FRMD4A: variants seen among roughly 807,000 people sequenced by gnomAD.
The protein encoded by FRMD4A is FERM domain containing 4A.
FRMD4A carries 29 observed loss-of-function variants against 129.1 expected under a neutral mutation model. The observed-to-expected ratio is 0.22, with a 90% CI of 0.17 to 0.31. The LOEUF (loss-of-function observed/expected upper bound fraction) is 0.31, where lower values mean the gene tolerates loss of function less well. Ranked by LOEUF, FRMD4A falls within the 10% of genes least tolerant of loss-of-function variation. FRMD4A has a pLI of 1.00. For synonymous variants in FRMD4A, 634 were observed against 571.6 expected (o/e 1.11, Z -1.56); for missense variants, 1,272 against 1,375.8 (o/e 0.92, Z 1.19).
At chr10:14,279,206 T>TTTTTTTTTA (rs1491404887) in intron 2 of FRMD4A, among the ~76,000 whole-genome samples, 2 of 109,868 alleles carry the variant, frequency 1.8e-5, no homozygotes, top group African/African-American at 6.8e-5. Context: ...TTTTTTTTTT[T>TTTTTTTTTA]GAGACAGAGT....
In FRMD4A at chr10:13,657,466, C is replaced by G; in HGVS notation, c.2123G>C (p.Arg708Pro). 2 of 1,610,892 alleles carry G rather than the reference C, an allele frequency of 1.2e-6. No homozygotes were observed. The highest frequency in any genetic ancestry group is 1.7e-6 in the Non-Finnish European group (2 of 1,179,698). Residue 708 changes from arginine to proline, a missense_variant, in exon 22 of 25, where the codon CGG becomes CCG. This residue lies in a region of FRMD4A where 972 missense variants were observed against 892.3 expected (regional missense o/e 1.09). Transcript: ENST00000357447. ...LHSLALHFRH[R>P]SSSLESQGKL... Reference sequence around the variant, plus strand: ...GCCCTGGGACTCCAGGCTGGAGCTCCGGTGCCTAAAGTGCAGTGCGAGGCT... The same window carrying G: ...GCCCTGGGACTCCAGGCTGGAGCTCGGGTGCCTAAAGTGCAGTGCGAGGCT...
intron 3 of FRMD4A, among the ~76,000 whole-genome samples, chr10:13,846,622 C>G (rs2094050251): frequency 6.6e-6 from 1 of 152,238 alleles, no homozygotes; most frequent in Admixed American, 6.5e-5. Context: ...AAGGCCCCAG[C>G]TCCGCTGGGC....
At position 13,654,443 on chromosome 10, in the gene FRMD4A, G is replaced by A. The variant is rs1249453025; in HGVS notation, c.3023C>T (p.Pro1008Leu). The A allele has an allele frequency of 1.2e-6, 2 of 1,612,848 alleles. No homozygotes were observed. Among genetic ancestry groups the A allele is most frequent in the Admixed American group, 1.7e-5 (1 of 60,004 alleles). ...AGTCTGCCAGGTTAGGATGTGGTGG[G>A]GGCTGCTTGGGGGGGTGGCTCCAAT... Reference protein sequence around the residue: ...SEIGATPPSSPHHILTWQTGE... With the variant: ...SEIGATPPSSLHHILTWQTGE... The change falls in exon 23 of 25, where the codon CCC becomes CTC. Residue 1008 changes from proline (P) to leucine (L), a missense_variant. Transcript: ENST00000357447.
At chr10:14,292,537 C>T (rs975552868) in intron 2 of FRMD4A, among the ~76,000 whole-genome samples, 71 of 152,294 alleles carry the variant, frequency 4.7e-4, no homozygotes, top group African/African-American at 1.3e-3. Context: ...TGGTGGCTCA[C>T]GCCTGTAATC....
intron 2 of FRMD4A, among the ~76,000 whole-genome samples, chr10:14,067,186 G>A (rs1289914691): frequency 6.6e-6 from 1 of 151,324 alleles, no homozygotes; most frequent in Admixed American, 6.6e-5. Flanking sequence ...CGTGGTGGCG[G>A]GTGCCTGTAA....
intron 2 of FRMD4A, among the ~76,000 whole-genome samples, chr10:14,313,494 A>C (rs1846629606): frequency 6.6e-6 from 1 of 152,254 alleles, no homozygotes; most frequent in Non-Finnish European, 1.5e-5. Context: ...CATCTTTGTC[A>C]TATTGCCTCT....
intron 16 of FRMD4A, among the ~76,000 whole-genome samples, chr10:13,673,221 T>C (rs2083664061): frequency 6.6e-6 from 1 of 152,214 alleles, no homozygotes; most frequent in Admixed American, 6.5e-5. Flanking sequence ...CAGTATCACA[T>C]AGCGCATTCC....
At chr10:13,689,199 G>GGGGGGGT (rs2085404072) in intron 15 of FRMD4A, among the ~76,000 whole-genome samples, 1 of 18,558 alleles carries the variant, frequency 5.4e-5, no homozygotes, top group Non-Finnish European at 1.0e-4. Flanking sequence ...AACTCTTTGC[G>GGGGGGGT]GGGGGGGGGG....
chr10:13,946,415 TA>T (rs1565091309), intron 2 of FRMD4A, among the ~76,000 whole-genome samples: 1 of 152,002 alleles, frequency 6.6e-6, no homozygotes, highest in Admixed American at 6.5e-5. Flanking sequence ...TTTCTCACCA[TA>T]AAAAAAATTC....
At chr10:13,747,939 A>C in intron 8 of FRMD4A, 120 bp from the exon 9 acceptor site, 1 of 691,294 alleles carries the variant, frequency 1.4e-6, no homozygotes, top group Non-Finnish European at 2.6e-6. Context: ...GTTAATAAAA[A>C]GCAGTGGGGG....
rs541467094 is a variant in FRMD4A, at chr10:14,008,420, A to C, written c.46-149508T>G. On this transcript the variant is annotated intron_variant, in intron 2 of 24. Transcript: ENST00000357447. ...GAAGCAGCATCTCTAGCTTTCTTCC[A>C]TCTGTCCCTCTGCACAGCTGGCTCA... 6 of 1,024,424 alleles carry C rather than the reference A, an allele frequency of 5.9e-6. No homozygotes were observed. The South Asian group carries it at 2.2e-4, about 38-fold the overall frequency. The allele number at this position is 1,024,424 out of a possible 1,614,324, so 63.5% of individuals were successfully genotyped here. A position where few individuals can be genotyped will look rare whatever the true frequency, so the allele number is the denominator to read the frequency against.
rs145067815 is a variant in FRMD4A, at chr10:14,025,406, C to T, written c.46-166494G>A. ...GTGTACTGTTCCGTAGTGTTAAGTA[C>T]ATTCACCTTGTACTTGGTTCACATT... On this transcript the variant is annotated intron_variant, in intron 2 of 24. Transcript: ENST00000357447. Among the ~76,000 whole-genome samples, 110 of 152,014 alleles carry T rather than the reference C, an allele frequency of 7.2e-4. 4 individuals are homozygous for T. Among genetic ancestry groups the T allele is most frequent in the Non-Finnish European group, 3.7e-4 (25 of 68,008 alleles).
In FRMD4A at chr10:14,193,560, A is replaced by C. The variant is rs146424132; in HGVS notation, c.45+136498T>G. 3.8e-3 allele frequency among the ~76,000 whole-genome samples: 573 copies of C among 151,634 alleles called. 3 individuals are homozygous for C. Among genetic ancestry groups the C allele is most frequent in the African/African-American group, 0.013 (543 of 41,400 alleles). On this transcript the variant is annotated intron_variant, in intron 2 of 24. Coordinates refer to ENST00000357447, the MANE Select transcript of FRMD4A (RefSeq NM_018027.5). ...GGATGAATTCAGAACAAGACCCCAT[A>C]TGGTTTTTGAAGAACATACAATTTA... is the stretch of plus-strand genomic sequence containing the variant.
chr10:13,660,608 G>A lies in FRMD4A; in HGVS notation c.1661-55C>T, dbSNP rs2082564089. The stretch of plus-strand genomic sequence containing the variant: ...GCCCCGGTCATCCTTCCCACAGGCT[G>A]AGACAGAACCCCTACACCCCTCCAC... On this transcript the variant is annotated intron_variant, in intron 19 of 24. Transcript: ENST00000357447. The A allele has an allele frequency of 5.3e-6, 6 of 1,126,800 alleles. No individual in the cohort carries two copies. The East Asian group carries it at 9.4e-5, about 18-fold the overall frequency. 69.8% of individuals were successfully genotyped at this position (1,126,800 alleles called of 1,614,324 possible).
At chr10:14,080,433 A>C (rs1835863227) in intron 2 of FRMD4A, among the ~76,000 whole-genome samples, 1 of 151,840 alleles carries the variant, frequency 6.6e-6, no homozygotes, top group African/African-American at 2.4e-5. Flanking sequence ...CACCTGCCAT[A>C]ATGAGAACCC....
At chr10:13,891,440 G>A (rs972358405) in intron 2 of FRMD4A, among the ~76,000 whole-genome samples, 9 of 151,060 alleles carry the variant, frequency 6.0e-5, no homozygotes, top group African/African-American at 2.2e-4. Flanking sequence ...AGAAAGCACA[G>A]TATGTGCCCC....
In FRMD4A at chr10:14,312,699, T is replaced by TA. The variant is rs200047862; in HGVS notation, c.45+17358dup. Among the ~76,000 whole-genome samples, 167 of 151,908 alleles carry TA rather than the reference T, an allele frequency of 1.1e-3. 1 individual carries two copies. The highest frequency in any genetic ancestry group is 2.0e-3 in the Non-Finnish European group (136 of 67,924). ...CATGAGGTAGCAAAACTCCATTCTATAAAAAAAATACAAAAAATTAGCCAG... is the reference window on the plus strand; with the variant it reads ...CATGAGGTAGCAAAACTCCATTCTATAAAAAAAAATACAAAAAATTAGCCAG... On this transcript the variant is annotated intron_variant, in intron 2 of 24. Coordinates refer to ENST00000357447, the MANE Select transcript of FRMD4A (RefSeq NM_018027.5).
chr10:14,311,482 C>T (rs1028250550), intron 2 of FRMD4A, among the ~76,000 whole-genome samples: 15 of 152,130 alleles, frequency 9.9e-5, no homozygotes, highest in Admixed American at 8.5e-4. Context: ...CTGCAAATGC[C>T]CTTTCCAGTA....
At chr10:13,965,114 T>C (rs2131370378) in intron 2 of FRMD4A, among the ~76,000 whole-genome samples, 1 of 150,766 alleles carries the variant, frequency 6.6e-6, no homozygotes, top group South Asian at 2.1e-4. Flanking sequence ...GGTCAGGATA[T>C]ATTCAGTTTG....
Sources: allele counts gnomAD v4.1 joint callset (sites outside exome capture counted in the v4.1 genomes callset), GRCh38; gene constraint gnomAD v4.1.1; regional missense constraint gnomAD v4.1.1; transcripts MANE v1.5; gene names NCBI Gene and HGNC (gene_info 2026-07-23, HGNC 2026-07-21).